LRP1B: variants seen among roughly 807,000 people sequenced by gnomAD.
The protein encoded by LRP1B is LDL receptor related protein 1B, also known as low-density lipoprotein receptor-related protein 1B.
In LRP1B, 217 loss-of-function variants were observed where a neutral mutation model predicts 556.6. The observed-to-expected ratio is 0.39, with a 90% confidence interval of 0.35 to 0.44. The LOEUF is 0.44. Ranked by LOEUF, LRP1B falls within the 20% of genes least tolerant of loss-of-function variation. LRP1B has a pLI of 1.00. For synonymous variants in LRP1B, 2,047 were observed against 1,865.8 expected, an observed-to-expected ratio of 1.10 and a Z score of -2.50; for missense variants, 5,053 against 5,620.8, an observed-to-expected ratio of 0.90 and a Z score of 3.23.
chr2:140,617,053 C>T lies in LRP1B; in HGVS notation c.6800-15414G>A, dbSNP rs541689325. Among the ~76,000 whole-genome samples, 8 of 151,962 alleles carry T rather than the reference C, an allele frequency of 5.3e-5. No individual in the cohort carries two copies. The East Asian group carries it at 7.7e-4, about 15-fold the overall frequency. Reference sequence around the variant, plus strand: ...TTCACAGGTTAATGATGTGGGGACTCGGGTGTCACAAAACTTACATAATAT... The same window carrying T: ...TTCACAGGTTAATGATGTGGGGACTTGGGTGTCACAAAACTTACATAATAT... On this transcript the variant is annotated intron_variant, in intron 41 of 90. Coordinates refer to ENST00000389484, the MANE Select transcript of LRP1B (RefSeq NM_018557.3).
In LRP1B at chr2:140,325,748, A is replaced by C; in HGVS notation, c.12340+14T>G. 6.5e-7 allele frequency: 1 copy of C among 1,537,344 alleles called. No homozygotes were observed. The highest frequency in any genetic ancestry group is 9.0e-7 in the Non-Finnish European group (1 of 1,115,058). ...AGTAACAATTAAAAATGAAGACAAA[A>C]GCACTTCACAAACCTTGTTTGCTGC... is the stretch of plus-strand genomic sequence containing the variant. On this transcript the variant is annotated intron_variant, in intron 80 of 90. Transcript: ENST00000389484.
chr2:140,613,886 TCCTTTGTCC>T (rs1390922772), intron 41 of LRP1B, among the ~76,000 whole-genome samples: 1 of 152,128 alleles, frequency 6.6e-6, no homozygotes, highest in African/African-American at 2.4e-5. Context: ...TATGAATTTT[TCCTTTGTCC>T]CCTTGAGATG....
intron 13 of LRP1B, among the ~76,000 whole-genome samples, chr2:141,014,262 C>T (rs897477002): frequency 1.3e-5 from 2 of 151,950 alleles, no homozygotes; most frequent in South Asian, 4.1e-4. Context: ...TTGGATCTGG[C>T]AGAAAAGATG....
At chr2:141,495,602 T>C (rs1488417153) in intron 2 of LRP1B, among the ~76,000 whole-genome samples, 2 of 152,158 alleles carry the variant, frequency 1.3e-5, no homozygotes, top group Non-Finnish European at 2.9e-5. Flanking sequence ...AATGTTTATT[T>C]TATTTATTCT....
intron 1 of LRP1B, among the ~76,000 whole-genome samples, chr2:141,945,000 A>C (rs1333473607): frequency 6.6e-6 from 1 of 152,170 alleles, no homozygotes; most frequent in East Asian, 1.9e-4. Flanking sequence ...GGATTCTATA[A>C]GGCACATTCT....
intron 19 of LRP1B, among the ~76,000 whole-genome samples, chr2:140,950,736 C>G (rs1695689134): frequency 6.6e-6 from 1 of 152,244 alleles, no homozygotes; most frequent in African/African-American, 2.4e-5. Context: ...AAGCAATCCA[C>G]CCTCCTCGGC....
At chr2:140,868,040 AT>A (rs1693006432) in intron 26 of LRP1B, 58 bp downstream of exon 26, 1 of 1,507,934 alleles carries the variant, frequency 6.6e-7, no homozygotes, top group African/African-American at 1.4e-5. Context: ...ACACTTTCCA[AT>A]GTTGTAAATA....
chr2:140,374,722 C>G (rs905912714), intron 68 of LRP1B, among the ~76,000 whole-genome samples: 3 of 151,930 alleles, frequency 2.0e-5, no homozygotes, highest in African/African-American at 7.3e-5. Context: ...TAACTTTATC[C>G]CAGCTCTACT....
intron 14 of LRP1B, among the ~76,000 whole-genome samples, chr2:141,005,741 G>A (rs1048265078): frequency 1.3e-5 from 2 of 151,908 alleles, no homozygotes; most frequent in African/African-American, 4.8e-5. Flanking sequence ...ATCTGTCTTC[G>A]ATAGTTTTCC....
chr2:140,818,663 T>C (rs1398596735), intron 31 of LRP1B, among the ~76,000 whole-genome samples: 1 of 152,110 alleles, frequency 6.6e-6, no homozygotes, highest in African/African-American at 2.4e-5. Context: ...GGCTGGGCAC[T>C]GTGGCTCATG....
intron 62 of LRP1B, 58 bp from the exon 63 acceptor site, chr2:140,450,719 T>C (rs1339869779): frequency 8.2e-6 from 10 of 1,219,754 alleles, no homozygotes; most frequent in Non-Finnish European, 1.2e-5. Flanking sequence ...ATATAATGGA[T>C]AATTTAAAAT....
At chr2:141,296,788 G>A (rs2105421068) in intron 3 of LRP1B, among the ~76,000 whole-genome samples, 1 of 152,156 alleles carries the variant, frequency 6.6e-6, no homozygotes, top group East Asian at 1.9e-4. Context: ...ATGATGCTGA[G>A]GTCTGGGATA....
chr2:140,669,088 A>G (rs568292523), intron 41 of LRP1B, among the ~76,000 whole-genome samples: 4 of 152,308 alleles, frequency 2.6e-5, no homozygotes, highest in African/African-American at 7.2e-5. Flanking sequence ...TCGTTGAGAG[A>G]AGAGAACTGG....
chr2:140,495,407 C>T (rs528251359), intron 56 of LRP1B, among the ~76,000 whole-genome samples, 158 bp downstream of exon 56: 2 of 149,684 alleles, frequency 1.3e-5, no homozygotes, highest in African/African-American at 4.9e-5. Flanking sequence ...ACAGAGCATA[C>T]AAAATCAGAG....
At chr2:141,007,756 G>A (rs1355184159) in intron 14 of LRP1B, among the ~76,000 whole-genome samples, 1 of 151,558 alleles carries the variant, frequency 6.6e-6, no homozygotes, top group East Asian at 1.9e-4. Flanking sequence ...ATTTTGAAAC[G>A]TTGAAATTAT....
intron 79 of LRP1B, 89 bp downstream of exon 79, chr2:140,334,364 C>A: frequency 1.2e-6 from 1 of 805,498 alleles, no homozygotes; most frequent in Admixed American, 2.0e-5. Context: ...TGTAAAAATA[C>A]TTATATTGCC....
chr2:140,424,422 C>T (rs1375857146), intron 66 of LRP1B, among the ~76,000 whole-genome samples: 1 of 152,170 alleles, frequency 6.6e-6, no homozygotes, highest in Non-Finnish European at 1.5e-5. Flanking sequence ...ATTCATGATA[C>T]AGCTGTGGCC....
At chr2:141,988,581 G>A (rs1279991587) in intron 1 of LRP1B, among the ~76,000 whole-genome samples, 2 of 151,942 alleles carry the variant, frequency 1.3e-5, no homozygotes, top group Non-Finnish European at 2.9e-5. Flanking sequence ...TTTTGCCAGA[G>A]TTTTCCCATG....
At chr2:141,090,137 G>A (rs1306333347) in intron 7 of LRP1B, among the ~76,000 whole-genome samples, 15 of 152,174 alleles carry the variant, frequency 9.9e-5, no homozygotes, top group Admixed American at 9.8e-4. Flanking sequence ...ACCCAACAGG[G>A]GGTTAGTGTT....
Sources: allele counts gnomAD v4.1 joint callset (sites outside exome capture counted in the v4.1 genomes callset), GRCh38; gene constraint gnomAD v4.1.1; transcripts MANE v1.5; gene names NCBI Gene and HGNC (gene_info 2026-07-23, HGNC 2026-07-21).